Variants in TMEM184B observed in about 807,000 individuals in gnomAD.
TMEM184B encodes the protein putative MAPK-activating protein FM08.
In TMEM184B, 17 loss-of-function variants were observed where a neutral mutation model predicts 41.8. The observed-to-expected ratio is 0.41, with a 90% CI of 0.28 to 0.61. The LOEUF (loss-of-function observed/expected upper bound fraction) is 0.61, where lower values mean the gene tolerates loss of function less well. TMEM184B is among the 20% of genes least tolerant of loss of function. The probability of loss-of-function intolerance (pLI) is 0.34; values close to 1 mark genes in which losing one functional copy is unlikely to be tolerated. For synonymous variants in TMEM184B, 240 were observed against 229.5 expected, an observed-to-expected ratio of 1.05 and a Z score of -0.41; for missense variants, 393 against 557.8, an observed-to-expected ratio of 0.70 and a Z score of 2.98.
rs540768894 is a variant in TMEM184B at position 38,221,168 on chromosome 22, G to A, written c.*301C>T. 2.4e-5 allele frequency: 29 copies of A among 1,226,188 alleles called. No individual in the cohort carries two copies. The highest frequency in any genetic ancestry group is 3.9e-5 in the East Asian group (1 of 25,856). 76.0% of individuals were successfully genotyped at this position (1,226,188 alleles called of 1,614,324 possible). ...CACACAAGCATTGGGGCCTGGGTGCGGCTGGTCCCAGCATGCCCCCAGCAC... is the reference window on the plus strand; with the variant it reads ...CACACAAGCATTGGGGCCTGGGTGCAGCTGGTCCCAGCATGCCCCCAGCAC... On this transcript the variant is annotated 3_prime_UTR_variant, in exon 9 of 9. Transcript: ENST00000361906.
In TMEM184B at chr22:38,245,921, G is replaced by A. The variant is rs772765341; in HGVS notation, c.358+14C>T. On this transcript the variant is annotated intron_variant, in intron 3 of 8. Coordinates refer to ENST00000361906, the MANE Select transcript of TMEM184B (RefSeq NM_012264.5). ...GCCCCCCGCCAGCCCTCCCCACTCC[G>A]TCCCCATCCTCACCCTCATAGCAGT... The A allele has an allele frequency of 4.4e-5, 24 of 549,896 alleles. No individual in the cohort carries two copies. The highest frequency in any genetic ancestry group is 6.0e-5 in the East Asian group (1 of 16,546). The allele number at this position is 549,896 out of a possible 1,614,324, so 34.1% of individuals were successfully genotyped here. A position where few individuals can be genotyped will look rare whatever the true frequency, so the allele number is the denominator to read the frequency against.
intron 1 of TMEM184B, among the ~76,000 whole-genome samples, chr22:38,259,480 G>C (rs974810891): frequency 2.0e-5 from 3 of 152,246 alleles, no homozygotes; most frequent in African/African-American, 7.2e-5. Context: ...AGGAGGTAGA[G>C]AGCGAGAAGA....
At chr22:38,240,822 A>G (rs1284922363) in intron 3 of TMEM184B, among the ~76,000 whole-genome samples, 1 of 152,100 alleles carries the variant, frequency 6.6e-6, no homozygotes, top group African/African-American at 2.4e-5. Context: ...CAGAAATTAC[A>G]TCAGAATCTA....
intron 1 of TMEM184B, among the ~76,000 whole-genome samples, chr22:38,257,877 G>A (rs757349918): frequency 2.0e-5 from 3 of 152,146 alleles, no homozygotes; most frequent in Non-Finnish European, 4.4e-5. Context: ...ATAGGCAAAG[G>A]CCCAAGGCTT....
At chr22:38,235,607 G>A (rs186762883) in intron 3 of TMEM184B, among the ~76,000 whole-genome samples, 1 of 152,286 alleles carries the variant, frequency 6.6e-6, no homozygotes, top group East Asian at 1.9e-4. Context: ...AATCATTAGT[G>A]AGTCGATAAT....
At position 38,258,431 on chromosome 22, in the gene TMEM184B, G is replaced by A. The variant is rs138993591; in HGVS notation, c.-58-10412C>T. 9.4e-3 allele frequency among the ~76,000 whole-genome samples: 1,423 copies of A among 151,670 alleles called. 33 individuals carry two copies. Among genetic ancestry groups the A allele is most frequent in the African/African-American group, 0.033 (1,346 of 41,292 alleles). ...TTCTCCTGCCTCAGCCTTCCTAGTA[G>A]CTGGGATTACAGGCATAAGCCACAT... is the stretch of plus-strand genomic sequence containing the variant. On this transcript the variant is annotated intron_variant, in intron 1 of 8. Coordinates refer to ENST00000361906, the MANE Select transcript of TMEM184B (RefSeq NM_012264.5).
intron 1 of TMEM184B, among the ~76,000 whole-genome samples, chr22:38,264,094 C>T (rs964976069): frequency 6.6e-6 from 1 of 152,160 alleles, no homozygotes; most frequent in Non-Finnish European, 1.5e-5. Flanking sequence ...CGTGAGCCAC[C>T]GCGACCAGCC....
At position 38,225,515 on chromosome 22, in the gene TMEM184B, G is replaced by C; in HGVS notation, c.696C>G (p.Phe232Leu). ...VSLALYALFL[F>L]YFATRELLSP... ...TGAGCAGCTCCCGGGTGGCGAAGTA[G>C]AAGAGGAAGAGGGCGTAGAGGGCCA... Residue 232 changes from phenylalanine to leucine, a missense_variant, in exon 7 of 9, where the codon TTC (phenylalanine) becomes TTG (leucine). Physicochemically the swap from Phe to Leu is conservative, Grantham distance 22. This residue lies in a region of TMEM184B where 271 missense variants were observed against 434.1 expected (regional missense o/e 0.62). Transcript: ENST00000361906. This position sits in a 1 kb window ranked among gnomAD's most constrained non-coding sequence, Gnocchi z 4.4. The C allele has an allele frequency of 1.2e-6, 2 of 1,603,418 alleles. No individual in the cohort carries two copies. Among genetic ancestry groups the C allele is most frequent in the Non-Finnish European group, 1.7e-6 (2 of 1,176,242 alleles).
At chr22:38,243,587 C>G (rs2091962350) in intron 3 of TMEM184B, among the ~76,000 whole-genome samples, 1 of 152,282 alleles carries the variant, frequency 6.6e-6, no homozygotes, top group Admixed American at 6.5e-5. Flanking sequence ...AGAGGTTTCC[C>G]TGGAGACTTG....
chr22:38,241,524 CAA>C (rs35419850), intron 3 of TMEM184B, among the ~76,000 whole-genome samples: 4,015 of 88,754 alleles, frequency 0.045, 68 homozygotes, highest in Admixed American at 0.088. Context: ...CTCATCTCTA[CAA>C]AAAAAAAAAA....
chr22:38,241,966 C>T (rs920759227), intron 3 of TMEM184B, among the ~76,000 whole-genome samples: 1 of 147,266 alleles, frequency 6.8e-6, no homozygotes, highest in African/African-American at 2.5e-5. Flanking sequence ...CATGTAACAT[C>T]ATATAAAACT....
chr22:38,221,281 T>C lies in TMEM184B; in HGVS notation c.*188A>G, dbSNP rs937250933. 4 of 1,429,262 alleles carry C rather than the reference T, an allele frequency of 2.8e-6. No individual in the cohort carries two copies. The highest frequency in any genetic ancestry group is 2.7e-6 in the Non-Finnish European group (3 of 1,096,616). The allele number at this position is 1,429,262 out of a possible 1,614,324, so 88.5% of individuals were successfully genotyped here. A position where few individuals can be genotyped will look rare whatever the true frequency, so the allele number is the denominator to read the frequency against. On this transcript the variant is annotated 3_prime_UTR_variant, in exon 9 of 9. Transcript: ENST00000361906. ...AGGCTGGGCCATGTATAAATATTCCTGAAGGCCCATGGGCGAGCCTGGCTG... is the reference window on the plus strand; with the variant it reads ...AGGCTGGGCCATGTATAAATATTCCCGAAGGCCCATGGGCGAGCCTGGCTG...
rs780946392 is a variant in TMEM184B at position 38,226,881 on chromosome 22, G to A, written c.526-11C>T. ...GAACTGCAGGGTGGCCTGTTGGGGG[G>A]AAAAGGAGGTTGAGTGTGGAGGAGG... On this transcript the variant is annotated splice_polypyrimidine_tract_variant and intron_variant, in intron 5 of 8. Coordinates refer to ENST00000361906, the MANE Select transcript of TMEM184B (RefSeq NM_012264.5). The surrounding 1 kb of genome is among the most constrained non-coding windows in gnomAD (Gnocchi z 4.6). 5 of 1,577,206 alleles carry A rather than the reference G, an allele frequency of 3.2e-6. No homozygotes were observed. Among genetic ancestry groups the A allele is most frequent in the Non-Finnish European group, 4.3e-6 (5 of 1,161,712 alleles).
In TMEM184B at chr22:38,224,806, C is replaced by T. The variant is rs754941053; in HGVS notation, c.961G>A (p.Asp321Asn). Reference sequence around the variant, plus strand: ...ATACCTTGTGCGTCCAGCCTCTTGTCAGCATAGACCTTGTAGGTGAAGGCG... The same window carrying T: ...ATACCTTGTGCGTCCAGCCTCTTGTTAGCATAGACCTTGTAGGTGAAGGCG... The part of the protein sequence containing the change: ...RHAFTYKVYA[D>N]KRLDAQGRCA... The change falls in exon 8 of 9, where the codon GAC becomes AAC. Residue 321 changes from aspartate (D) to asparagine (N), a missense_variant. Physicochemically the swap from Asp to Asn is conservative, Grantham distance 23. Coordinates refer to ENST00000361906, the MANE Select transcript of TMEM184B (RefSeq NM_012264.5). 2 of 1,606,064 alleles carry T rather than the reference C, an allele frequency of 1.2e-6. No homozygotes were observed. Among genetic ancestry groups the T allele is most frequent in the Non-Finnish European group, 1.7e-6 (2 of 1,174,840 alleles).
chr22:38,244,148 C>A (rs1183314308), intron 3 of TMEM184B, among the ~76,000 whole-genome samples: 1 of 152,160 alleles, frequency 6.6e-6, no homozygotes, highest in Non-Finnish European at 1.5e-5. Context: ...CCTCCATTTT[C>A]TTGCCAAACC....
At chr22:38,247,176 C>T (rs2145694443) in intron 2 of TMEM184B, among the ~76,000 whole-genome samples, 1 of 152,338 alleles carries the variant, frequency 6.6e-6, no homozygotes, top group Middle Eastern at 3.4e-3. Context: ...TAGTTCCTCT[C>T]CCCCTCCCTC....
intron 3 of TMEM184B, among the ~76,000 whole-genome samples, chr22:38,232,608 C>G (rs2091663715): frequency 6.6e-6 from 1 of 152,204 alleles, no homozygotes; most frequent in Admixed American, 6.5e-5. Flanking sequence ...AGGGTCAGAA[C>G]AGGTCGAGGG....
At position 38,262,479 on chromosome 22, in the gene TMEM184B, AAG is replaced by A. The variant is rs537874275; in HGVS notation, c.-59+10403_-59+10404del. 3.0e-3 allele frequency among the ~76,000 whole-genome samples: 460 copies of A among 152,314 alleles called. 1 individual carries two copies. The highest frequency in any genetic ancestry group is 5.5e-3 in the Non-Finnish European group (371 of 68,030). ...AGCAAAGGCACGGAGGTGGGGAGTT[AAG>A]AGGGCAGACAGAGGAAGGGGTGACA... On this transcript the variant is annotated intron_variant, in intron 1 of 8. Transcript: ENST00000361906.
chr22:38,220,769 A>T lies in TMEM184B; in HGVS notation c.*700T>A. On this transcript the variant is annotated 3_prime_UTR_variant, in exon 9 of 9. Transcript: ENST00000361906. ...AGGCCAGGGGGAAGGGGCATGAGGCAGGCAGAGGTGTGGCCACGACAGGTG... is the reference window on the plus strand; with the variant it reads ...AGGCCAGGGGGAAGGGGCATGAGGCTGGCAGAGGTGTGGCCACGACAGGTG... The T allele has an allele frequency of 1.0e-6, 1 of 986,278 alleles. No homozygotes were observed. The highest frequency in any genetic ancestry group is 1.2e-6 in the Non-Finnish European group (1 of 830,262). The allele number at this position is 986,278 out of a possible 1,614,324, so 61.1% of individuals were successfully genotyped here.
Sources: gnomAD v4.1 joint callset for allele counts (sites outside exome capture counted in the v4.1 genomes callset) on GRCh38, gnomAD v4.1.1 for gene constraint, gnomAD v4.1.1 regional missense constraint, Gnocchi (gnomAD v3.1) non-coding constraint, MANE v1.5 for transcripts, NCBI Gene and HGNC (gene_info 2026-07-23, HGNC 2026-07-21) for gene names.